Variants in CFH observed in about 807,000 individuals in gnomAD.
The protein encoded by CFH is complement factor H, also known as H factor 1 (complement).
A neutral mutation model predicts 147.3 loss-of-function variants in CFH; 53 were observed. The ratio of observed to expected loss-of-function variants is 0.36; its 90% CI spans 0.29 to 0.45. The LOEUF (loss-of-function observed/expected upper bound fraction) is 0.45. Ranked by LOEUF, CFH falls within the 20% of genes least tolerant of loss-of-function variation. CFH has a pLI of 1.00. For synonymous variants in CFH, 536 were observed against 489.4 expected, an observed-to-expected ratio of 1.10 and a Z score of -1.26; for missense variants, 1,380 against 1,498.0, an observed-to-expected ratio of 0.92 and a Z score of 1.30.
chr1:196,710,212 C>T (rs1433955414), intron 9 of CFH, among the ~76,000 whole-genome samples: 3 of 152,170 alleles, frequency 2.0e-5, no homozygotes, highest in East Asian at 1.9e-4. Context: ...CTTAAGGTCT[C>T]TTGCACATAG....
Position 196,673,909 on chromosome 1 carries a change from A to T in CFH, c.297A>T (p.Thr99=). 1 of 1,613,584 alleles carries T rather than the reference A, an allele frequency of 6.2e-7. No individual in the cohort carries two copies. Among genetic ancestry groups the T allele is most frequent in the Non-Finnish European group, 8.5e-7 (1 of 1,179,740 alleles). ...CTCCTTTTGGTACTTTTACCCTTAC[A>T]GGAGGAAATGTGTTTGAATATGGTG... is the stretch of plus-strand genomic sequence containing the variant. ...GDTPFGTFTL[T]GGNVFEYGVK... Residue 99 remains threonine (T), a synonymous_variant, in exon 3 of 22, where the codon ACA becomes ACT. Transcript: ENST00000367429.
In CFH at chr1:196,713,910, G is replaced by A. The variant is rs774721285; in HGVS notation, c.1512G>A (p.Thr504=). 9.9e-6 allele frequency: 16 copies of A among 1,611,536 alleles called. No homozygotes were observed. The highest frequency in any genetic ancestry group is 1.7e-4 in the Middle Eastern group (1 of 6,060). ...CGKDGWSAQP[T]CIKSCDIPVF... Reference sequence around the variant, plus strand: ...AAGATGGATGGTCAGCTCAACCCACGTGCATTAGTAAGTAATTTATTATGT... The same window carrying A: ...AAGATGGATGGTCAGCTCAACCCACATGCATTAGTAAGTAATTTATTATGT... The change falls in exon 10 of 22, where the codon ACG becomes ACA. Residue 504 remains threonine (T), a synonymous_variant. Coordinates refer to ENST00000367429, the MANE Select transcript of CFH (RefSeq NM_000186.4).
At chr1:196,665,549 T>C (rs1406808778) in intron 1 of CFH, among the ~76,000 whole-genome samples, 1 of 152,010 alleles carries the variant, frequency 6.6e-6, no homozygotes, top group Middle Eastern at 3.2e-3. Flanking sequence ...TCTGTGCAAA[T>C]AAAGTAAGGA....
chr1:196,702,351 T>C (rs1159439591), intron 9 of CFH, among the ~76,000 whole-genome samples: 1 of 152,086 alleles, frequency 6.6e-6, no homozygotes, highest in African/African-American at 2.4e-5. Flanking sequence ...TCACTCTGGT[T>C]CTGAGAGGCA....
intron 18 of CFH, chr1:196,741,586 G>A: frequency 2.7e-6 from 1 of 373,774 alleles, no homozygotes; most frequent in South Asian, 2.4e-5. Flanking sequence ...ATATCAGGTG[G>A]CAAGTATGGA....
intron 21 of CFH, among the ~76,000 whole-genome samples, chr1:196,746,785 T>C (rs1653024605): frequency 6.6e-6 from 1 of 152,190 alleles, no homozygotes; most frequent in Admixed American, 6.5e-5. Flanking sequence ...ATATTATAGC[T>C]GAAAGTTTGT....
chr1:196,720,596 T>TG (rs1668975730), intron 11 of CFH, among the ~76,000 whole-genome samples: 1 of 152,034 alleles, frequency 6.6e-6, no homozygotes, highest in Non-Finnish European at 1.5e-5. Flanking sequence ...TTATACATGT[T>TG]GCTTCTGAAG....
chr1:196,687,141 G>A (rs34860966), intron 7 of CFH, among the ~76,000 whole-genome samples: 1,952 of 152,126 alleles, frequency 0.013, 42 homozygotes, highest in African/African-American at 0.044. Flanking sequence ...ATAAATTACA[G>A]TATGAATATA....
intron 1 of CFH, among the ~76,000 whole-genome samples, chr1:196,666,346 T>A (rs1447406247): frequency 2.6e-5 from 4 of 152,230 alleles, no homozygotes; most frequent in Non-Finnish European, 5.9e-5. Flanking sequence ...AACAGTTTTT[T>A]ATTTCTAATT....
rs1165507743 is a variant in CFH, at chr1:196,713,798, A to T, written c.1400A>T (p.Tyr467Phe). The T allele has an allele frequency of 6.2e-7, 1 of 1,606,732 alleles. No individual in the cohort carries two copies. The highest frequency in any genetic ancestry group is 1.7e-5 in the Admixed American group (1 of 59,834). The change falls in exon 10 of 22, where the codon TAT becomes TTT. Residue 467 changes from tyrosine to phenylalanine, a missense_variant. Around this residue, in one of 4 missense-constraint regions of CFH, gnomAD observed 830 missense variants for 821.4 expected, o/e 1.01. Transcript: ENST00000367429. ...NGFISESQYT[Y>F]ALKEKAKYQC... ...TTTATTTCTGAATCTCAGTATACAT[A>T]TGCCTTAAAAGAAAAAGCGAAATAT...
intron 6 of CFH, among the ~76,000 whole-genome samples, chr1:196,680,492 T>C (rs1189332514): frequency 6.6e-6 from 1 of 151,810 alleles, no homozygotes; most frequent in East Asian, 1.9e-4. Flanking sequence ...AGAGAGAATA[T>C]GGACAGTTGT....
chr1:196,730,684 C>T (rs192876244), intron 15 of CFH, among the ~76,000 whole-genome samples: 10 of 151,684 alleles, frequency 6.6e-5, no homozygotes, highest in South Asian at 2.1e-4. Flanking sequence ...TATTGATATC[C>T]CCTACTATTA....
Position 196,656,068 on chromosome 1 carries a change from G to T in CFH, c.58+3893G>T, listed in dbSNP as rs2149066337. Among the ~76,000 whole-genome samples the T allele has an allele frequency of 1.3e-5, 2 of 152,302 alleles. 1 individual carries two copies. Among genetic ancestry groups the T allele is most frequent in the South Asian group, 4.1e-4 (2 of 4,830 alleles). On this transcript the variant is annotated intron_variant, in intron 1 of 21. Transcript: ENST00000367429. Reference sequence around the variant, plus strand: ...CACCTGTAATCCCAACACTTTGGGAGGCCCAGGTGGGTGGATCACCATGTC... The same window carrying T: ...CACCTGTAATCCCAACACTTTGGGATGCCCAGGTGGGTGGATCACCATGTC...
chr1:196,652,055 AGAG>A lies in CFH; in HGVS notation c.-59_-57del. 8.7e-7 allele frequency: 1 copy of A among 1,143,316 alleles called. No homozygotes were observed. Among genetic ancestry groups the A allele is most frequent in the Non-Finnish European group, 1.3e-6 (1 of 751,584 alleles). 70.8% of individuals were successfully genotyped at this position (1,143,316 alleles called of 1,614,324 possible). ...TCCTGCACTAATCACAATTCTTGGA[AGAG>A]GAGAACTGGACGTTGTGAACAGAGT... On this transcript the variant is annotated 5_prime_UTR_variant, in exon 1 of 22. Coordinates refer to ENST00000367429, the MANE Select transcript of CFH (RefSeq NM_000186.4).
At chr1:196,694,537 G>T (rs1474508089) in intron 9 of CFH, among the ~76,000 whole-genome samples, 2 of 152,198 alleles carry the variant, frequency 1.3e-5, no homozygotes, top group East Asian at 3.9e-4. Flanking sequence ...GGATTGCTGG[G>T]TCAAATGGTA....
At position 196,657,446 on chromosome 1, in the gene CFH, G is replaced by A. The variant is rs572513445; in HGVS notation, c.58+5271G>A. On this transcript the variant is annotated intron_variant, in intron 1 of 21. Transcript: ENST00000367429. ...CAACTAAACCTGGGTCAAAAATACA[G>A]TATTGGTGGGTTGCAAAACTTAAGC... is the stretch of plus-strand genomic sequence containing the variant. Among the ~76,000 whole-genome samples, 3 of 152,138 alleles carry A rather than the reference G, an allele frequency of 2.0e-5. No homozygotes were observed. The South Asian group carries it at 6.2e-4, about 31-fold the overall frequency.
chr1:196,681,292 T>C (rs1667646347), intron 6 of CFH, among the ~76,000 whole-genome samples: 1 of 151,860 alleles, frequency 6.6e-6, no homozygotes, highest in South Asian at 2.1e-4. Flanking sequence ...TATGTGACTC[T>C]GTAGCATTAC....
chr1:196,718,086 G>A (rs552328445), intron 11 of CFH, among the ~76,000 whole-genome samples: 1 of 152,102 alleles, frequency 6.6e-6, no homozygotes, highest in Admixed American at 6.6e-5. Flanking sequence ...TAGATGAAAG[G>A]CAGTGTCAAA....
At position 196,665,034 on chromosome 1, in the gene CFH, G is replaced by C. The variant is rs190596585; in HGVS notation, c.59-7944G>C. Among the ~76,000 whole-genome samples the C allele has an allele frequency of 2.7e-3, 402 of 151,342 alleles. 2 individuals carry two copies. Among genetic ancestry groups the C allele is most frequent in the East Asian group, 0.014 (71 of 5,166 alleles). ...ATTATCATCTCCTTTACATTTTTGT[G>C]TTAAAATTGGTCAAAAAATAATTTT... On this transcript the variant is annotated intron_variant, in intron 1 of 21. Transcript: ENST00000367429.
Sources: gnomAD v4.1 joint callset for allele counts (sites outside exome capture counted in the v4.1 genomes callset) on GRCh38, gnomAD v4.1.1 for gene constraint, gnomAD v4.1.1 regional missense constraint, MANE v1.5 for transcripts, NCBI Gene and HGNC (gene_info 2026-07-23, HGNC 2026-07-21) for gene names.